Variants in COL13A1 observed in about 807,000 individuals in gnomAD.
COL13A1 encodes the protein collagen type XIII alpha 1 chain, also known as collagen alpha-1(XIII) chain.
A neutral mutation model predicts 130.9 loss-of-function variants in COL13A1; 89 were observed. That is an observed-to-expected ratio of 0.68 (90% CI 0.57 to 0.81). COL13A1 has a LOEUF of 0.81. COL13A1 is among the 30% of genes least tolerant of loss of function. The probability of loss-of-function intolerance (pLI) is 0.00; values close to 1 mark genes in which losing one functional copy is unlikely to be tolerated. For synonymous variants in COL13A1, 402 were observed against 341.6 expected (o/e 1.18, Z -1.95); for missense variants, 879 against 934.6 (o/e 0.94, Z 0.78).
chr10:69,860,589 A>AG (rs1434401530), intron 2 of COL13A1: 1 of 156,568 alleles, frequency 6.4e-6, no homozygotes, highest in Non-Finnish European at 1.4e-5. Context: ...TGGGTGGGGG[A>AG]GGGGCACGGG....
chr10:69,897,663 A>G, intron 13 of COL13A1: 1 of 1,033,000 alleles, frequency 9.7e-7, no homozygotes, highest in Non-Finnish European at 1.4e-6. Context: ...GCTGTCCAAG[A>G]AGGCAGCAGC....
chr10:69,802,789 C>T (rs1840383640), intron 1 of COL13A1, 72 bp downstream of exon 1: 1 of 1,567,438 alleles, frequency 6.4e-7, no homozygotes, highest in African/African-American at 1.4e-5. Flanking sequence ...GACTGTTCAG[C>T]CGGTGTCCGC....
At chr10:69,840,302 G>A (rs1031616395) in intron 2 of COL13A1, among the ~76,000 whole-genome samples, 1 of 152,150 alleles carries the variant, frequency 6.6e-6, no homozygotes, top group African/African-American at 2.4e-5. Flanking sequence ...CAGCGGCATC[G>A]AAGGAGCCCG....
At chr10:69,943,998 A>G (rs2068059135) in intron 35 of COL13A1, 127 bp from the exon 36 acceptor site, 1 of 724,844 alleles carries the variant, frequency 1.4e-6, no homozygotes, top group Non-Finnish European at 2.4e-6. Flanking sequence ...ACTGCCCTGA[A>G]CGAGCCTGGC....
chr10:69,835,276 G>A (rs1238710696), intron 2 of COL13A1, among the ~76,000 whole-genome samples: 1 of 152,168 alleles, frequency 6.6e-6, no homozygotes, highest in Non-Finnish European at 1.5e-5. Flanking sequence ...TGCTCCTTTG[G>A]AGGAAAGGAG....
At chr10:69,845,031 A>G (rs1337415343) in intron 2 of COL13A1, among the ~76,000 whole-genome samples, 1 of 152,116 alleles carries the variant, frequency 6.6e-6, no homozygotes, top group Non-Finnish European at 1.5e-5. Context: ...AAGGTCCTGT[A>G]CTTAACTAGT....
At chr10:69,906,942 G>A (rs957892168) in intron 17 of COL13A1, among the ~76,000 whole-genome samples, 2 of 152,128 alleles carry the variant, frequency 1.3e-5, no homozygotes, top group African/African-American at 4.8e-5. Flanking sequence ...TGTTGGCCAG[G>A]ATGGTCTCGG....
chr10:69,824,731 G>A (rs1847069592), intron 2 of COL13A1, among the ~76,000 whole-genome samples: 1 of 152,182 alleles, frequency 6.6e-6, no homozygotes, highest in Non-Finnish European at 1.5e-5. Flanking sequence ...AGGAAGAGTG[G>A]GCAGGGGCTC....
chr10:69,828,261 GC>G (rs1847987121), intron 2 of COL13A1, among the ~76,000 whole-genome samples: 1 of 152,026 alleles, frequency 6.6e-6, no homozygotes, highest in Admixed American at 6.6e-5. Flanking sequence ...TGCGATGTTA[GC>G]CTCAGTCCTC....
At chr10:69,824,378 G>A (rs990346733) in intron 2 of COL13A1, among the ~76,000 whole-genome samples, 1 of 152,230 alleles carries the variant, frequency 6.6e-6, no homozygotes, top group Non-Finnish European at 1.5e-5. Context: ...CCTTATTGGG[G>A]AAAGCACATC....
intron 5 of COL13A1, 49 bp downstream of exon 5, chr10:69,875,212 C>A: frequency 6.2e-7 from 1 of 1,610,444 alleles, no homozygotes; most frequent in Non-Finnish European, 8.5e-7. Context: ...CTTGCTTCTC[C>A]GTGCTGGCCT....
intron 30 of COL13A1, among the ~76,000 whole-genome samples, 180 bp from the exon 31 acceptor site, chr10:69,932,380 C>A (rs1193541525): frequency 3.3e-5 from 5 of 152,184 alleles, no homozygotes; most frequent in Non-Finnish European, 2.9e-5. Flanking sequence ...AGCCTCTCCT[C>A]CCCTGTACTA....
chr10:69,802,379 T>A lies in COL13A1; in HGVS notation c.-45T>A, dbSNP rs556765839. 9.9e-6 allele frequency: 14 copies of A among 1,417,632 alleles called. No individual in the cohort carries two copies. In the South Asian group the frequency reaches 2.2e-4, roughly 22 times the overall value. The allele number at this position is 1,417,632 out of a possible 1,614,324, so 87.8% of individuals were successfully genotyped here. A position where few individuals can be genotyped will look rare whatever the true frequency, so the allele number is the denominator to read the frequency against. On this transcript the variant is annotated 5_prime_UTR_variant, in exon 1 of 41. Transcript: ENST00000645393. ...GCCTTTTGGCAGCGGCTGTCGCCTTTATTTATTCTATTTATTTATTTATTG... is the reference window on the plus strand; with the variant it reads ...GCCTTTTGGCAGCGGCTGTCGCCTTAATTTATTCTATTTATTTATTTATTG...
At chr10:69,875,570 G>C (rs1261072515) in intron 5 of COL13A1, among the ~76,000 whole-genome samples, 2 of 152,154 alleles carry the variant, frequency 1.3e-5, no homozygotes, top group Non-Finnish European at 2.9e-5. Context: ...GTGGAGCCAG[G>C]GTTCCCAGGG....
chr10:69,874,560 C>T (rs555309331), intron 4 of COL13A1, among the ~76,000 whole-genome samples: 19 of 152,280 alleles, frequency 1.2e-4, no homozygotes, highest in Admixed American at 1.2e-3. Context: ...CCACATGGCT[C>T]GTGGTCCTTC....
At position 69,957,000 on chromosome 10, in the gene COL13A1, G is replaced by T; in HGVS notation, c.2146-4G>T. On this transcript the variant is annotated splice_region_variant and splice_polypyrimidine_tract_variant and intron_variant, in intron 39 of 40. Coordinates refer to ENST00000645393, the MANE Select transcript of COL13A1 (RefSeq NM_001368882.1). ...GAGCCCTCTGCCTTCCTTTCTCCTT[G>T]CAGGGCGAAGATGGCTTACCAGTCC... 1 of 1,613,590 alleles carries T rather than the reference G, an allele frequency of 6.2e-7. No individual in the cohort carries two copies. Among genetic ancestry groups the T allele is most frequent in the Non-Finnish European group, 8.5e-7 (1 of 1,179,578 alleles).
At chr10:69,929,462 A>G (rs1032669671) in intron 28 of COL13A1, among the ~76,000 whole-genome samples, 1 of 151,946 alleles carries the variant, frequency 6.6e-6, no homozygotes, top group Non-Finnish European at 1.5e-5. Flanking sequence ...CCTTTCTTTC[A>G]AAGCCCTTCT....
chr10:69,852,625 G>C lies in COL13A1; in HGVS notation c.365-15173G>C, dbSNP rs116207940. ...CTCAGCAGGGTGGGGTGACTGGGCTGGTGTGGACCCAGGAAGTCCTCTGAC... is the reference window on the plus strand; with the variant it reads ...CTCAGCAGGGTGGGGTGACTGGGCTCGTGTGGACCCAGGAAGTCCTCTGAC... On this transcript the variant is annotated intron_variant, in intron 2 of 40. Transcript: ENST00000645393. Among the ~76,000 whole-genome samples, 545 of 152,380 alleles carry C rather than the reference G, an allele frequency of 3.6e-3. 4 individuals are homozygous for C. The highest frequency in any genetic ancestry group is 0.012 in the African/African-American group (515 of 41,600).
chr10:69,906,915 G>A (rs766970712), intron 17 of COL13A1, among the ~76,000 whole-genome samples: 40 of 151,976 alleles, frequency 2.6e-4, no homozygotes, highest in Non-Finnish European at 5.7e-4. Flanking sequence ...GTTTTTAGTA[G>A]AGATGGGGTT....
Sources: allele counts gnomAD v4.1 joint callset (sites outside exome capture counted in the v4.1 genomes callset), GRCh38; gene constraint gnomAD v4.1.1; transcripts MANE v1.5; gene names NCBI Gene and HGNC (gene_info 2026-07-23, HGNC 2026-07-21).